The following TRIM71 variants were observed in gnomAD, a reference collection of about 807,000 sequenced individuals.
The protein encoded by TRIM71 is E3 ubiquitin-protein ligase TRIM71.
In TRIM71, 9 loss-of-function variants were observed where a neutral mutation model predicts 61.2. The observed-to-expected ratio is 0.15, with a 90% confidence interval of 0.09 to 0.26. The LOEUF (loss-of-function observed/expected upper bound fraction) is 0.26. Among genes scored for constraint, TRIM71 ranks in the 10% least tolerant of loss-of-function variants. TRIM71 has a pLI of 1.00. For synonymous variants in TRIM71, 645 were observed against 553.2 expected (o/e 1.17, Z -2.33); for missense variants, 998 against 1,238.7 (o/e 0.81, Z 2.92).
In TRIM71 at chr3:32,890,556, T is replaced by A; in HGVS notation, c.1352T>A (p.Leu451Gln). The stretch of plus-strand genomic sequence containing the variant: ...GAGCTGAAGACCGTGCGGAGCCTCC[T>A]GCAGCCCCAGGAAGACGACCGAGTC... ...VQELKTVRSL[L>Q]QPQEDDRVMF... is the part of the protein sequence containing the mutation. The change falls in exon 4 of 4, where the codon CTG becomes CAG. Residue 451 changes from leucine (L) to glutamine (Q), a missense_variant. Physicochemically the swap from Leu to Gln is moderately radical, Grantham distance 113. Transcript: ENST00000383763. This position sits in a 1 kb window ranked among gnomAD's most constrained non-coding sequence, Gnocchi z 6.2. 1 of 1,614,022 alleles carries A rather than the reference T, an allele frequency of 6.2e-7. No homozygotes were observed. The highest frequency in any genetic ancestry group is 1.3e-5 in the African/African-American group (1 of 75,052).
At chr3:32,874,766 C>A (rs1289109612) in intron 2 of TRIM71, among the ~76,000 whole-genome samples, 1 of 151,952 alleles carries the variant, frequency 6.6e-6, no homozygotes, top group African/African-American at 2.4e-5. Context: ...TCAGGTGATA[C>A]ACCTGCCTCA....
chr3:32,818,325 C>T lies in TRIM71; in HGVS notation c.245C>T (p.Ala82Val), dbSNP rs1696081856. 8 of 1,440,264 alleles carry T rather than the reference C, an allele frequency of 5.6e-6. No individual in the cohort carries two copies. Among genetic ancestry groups the T allele is most frequent in the Non-Finnish European group, 6.4e-6 (7 of 1,101,998 alleles). 89.2% of individuals were successfully genotyped at this position (1,440,264 alleles called of 1,614,324 possible). The change falls in exon 1 of 4, where the codon GCG (alanine) becomes GTG (valine). Residue 82 changes from alanine to valine, a missense_variant. Transcript: ENST00000383763. Reference sequence around the variant, plus strand: ...CGGCTGCCGGCGGCGGGCGGCGGCGCGGCGGGAGAGCCGCTCAAGCTGCGC... The same window carrying T: ...CGGCTGCCGGCGGCGGGCGGCGGCGTGGCGGGAGAGCCGCTCAAGCTGCGC... ...AHRLPAAGGG[A>V]AGEPLKLRCP...
chr3:32,881,937 T>C (rs1008600608), intron 2 of TRIM71, among the ~76,000 whole-genome samples: 2 of 152,224 alleles, frequency 1.3e-5, no homozygotes, highest in Non-Finnish European at 1.5e-5. Flanking sequence ...CTTTGCATGC[T>C]TGCTGATTAT....
At chr3:32,834,227 G>C (rs1015330382) in intron 1 of TRIM71, among the ~76,000 whole-genome samples, 1 of 152,142 alleles carries the variant, frequency 6.6e-6, no homozygotes, top group Non-Finnish European at 1.5e-5. Context: ...TGTTTGTTAC[G>C]GTTATAAATG....
chr3:32,877,594 T>A (rs1409103821), intron 2 of TRIM71, among the ~76,000 whole-genome samples: 1 of 152,086 alleles, frequency 6.6e-6, no homozygotes, highest in Non-Finnish European at 1.5e-5. Flanking sequence ...CCTGGCTTCA[T>A]GCGATCTTTC....
At chr3:32,852,157 TG>T (rs879629935) in intron 1 of TRIM71, among the ~76,000 whole-genome samples, 2 of 152,194 alleles carry the variant, frequency 1.3e-5, no homozygotes, top group South Asian at 4.2e-4. Flanking sequence ...ACAGATTCCC[TG>T]GGGGGTAGCC....
rs1697073455 is a variant in TRIM71, at chr3:32,895,985, C to T, written c.*4174C>T. The T allele has an allele frequency of 6.6e-6, 1 of 152,148 alleles. No homozygotes were observed. Among genetic ancestry groups the T allele is most frequent in the Admixed American group, 6.5e-5 (1 of 15,272 alleles). 9.4% of individuals were successfully genotyped at this position (152,148 alleles called of 1,614,324 possible). ...CTCCCAGGAGAAATGTTCTACTTAC[C>T]TTGAAAGAGAAATGTCAGGCAAATG... is the stretch of plus-strand genomic sequence containing the variant. On this transcript the variant is annotated 3_prime_UTR_variant, in exon 4 of 4. Coordinates refer to ENST00000383763, the MANE Select transcript of TRIM71 (RefSeq NM_001039111.3).
In TRIM71 at chr3:32,891,601, G is replaced by C. The variant is rs759150601; in HGVS notation, c.2397G>C (p.Gly799=). ...TGNGQFLRPQ[G]VAVDQEGRII... ...ATGGGCAGTTCCTGCGCCCACAAGG[G>C]GTAGCTGTGGACCAGGAAGGGCGCA... The change falls in exon 4 of 4, where the codon GGG becomes GGC. Residue 799 remains glycine, a synonymous_variant. Transcript: ENST00000383763. The surrounding 1 kb of genome is among the most constrained non-coding windows in gnomAD (Gnocchi z 8.2). 6.2e-7 allele frequency: 1 copy of C among 1,613,696 alleles called. No individual in the cohort carries two copies. Among genetic ancestry groups the C allele is most frequent in the Non-Finnish European group, 8.5e-7 (1 of 1,179,756 alleles).
intron 1 of TRIM71, among the ~76,000 whole-genome samples, chr3:32,859,866 G>A (rs1696645335): frequency 6.6e-6 from 1 of 152,074 alleles, no homozygotes; most frequent in Non-Finnish European, 1.5e-5. Flanking sequence ...CATGGTTCCT[G>A]GTTTGGCAGC....
intron 1 of TRIM71, among the ~76,000 whole-genome samples, chr3:32,838,212 T>G (rs1052622394): frequency 5.3e-5 from 8 of 152,138 alleles, no homozygotes; most frequent in Non-Finnish European, 1.0e-4. Flanking sequence ...TTAGGTACTA[T>G]ATGCTTATTA....
At position 32,890,670 on chromosome 3, in the gene TRIM71, C is replaced by T. The variant is rs1355577793; in HGVS notation, c.1466C>T (p.Ala489Val). The change falls in exon 4 of 4, where the codon GCC (alanine) becomes GTC (valine). Residue 489 changes from alanine (A) to valine (V), a missense_variant. Around this residue, in one of 5 missense-constraint regions of TRIM71, gnomAD observed 291 missense variants for 431.2 expected, o/e 0.67. Transcript: ENST00000383763. This position sits in a 1 kb window ranked among gnomAD's most constrained non-coding sequence, Gnocchi z 6.2. ...SSGAFAPLTK[A>V]TGDGLKRALQ... Reference sequence around the variant, plus strand: ...GGGGCCTTTGCCCCACTCACCAAGGCCACAGGCGATGGCCTCAAGCGTGCC... The same window carrying T: ...GGGGCCTTTGCCCCACTCACCAAGGTCACAGGCGATGGCCTCAAGCGTGCC... 1.9e-6 allele frequency: 3 copies of T among 1,613,864 alleles called. No individual in the cohort carries two copies. The African/African-American group carries it at 4.0e-5, about 22-fold the overall frequency.
In TRIM71 at chr3:32,854,959, A is replaced by G. The variant is rs534490228; in HGVS notation, c.853-18859A>G. 3.9e-5 allele frequency among the ~76,000 whole-genome samples: 6 copies of G among 152,282 alleles called. No homozygotes were observed. The East Asian group carries it at 1.2e-3, about 29-fold the overall frequency. On this transcript the variant is annotated intron_variant, in intron 1 of 3. Coordinates refer to ENST00000383763, the MANE Select transcript of TRIM71 (RefSeq NM_001039111.3). ...AAAAGAGGTGAGTGCAGCACACAGT[A>G]TTTTGGGAGAGAGAGATACCACATT... is the stretch of plus-strand genomic sequence containing the variant.
intron 2 of TRIM71, among the ~76,000 whole-genome samples, chr3:32,883,635 C>A (rs1696931731): frequency 6.6e-6 from 1 of 152,212 alleles, no homozygotes; most frequent in African/African-American, 2.4e-5. Flanking sequence ...CCTATTTCCA[C>A]ACAAGGTCAC....
chr3:32,849,518 C>A (rs10865847), intron 1 of TRIM71, among the ~76,000 whole-genome samples: 30,864 of 152,112 alleles, frequency 0.2, 4,162 homozygotes, highest in East Asian at 0.62. Context: ...ACCACCACGT[C>A]CAGCTAATTT....
In TRIM71 at chr3:32,896,179, A is replaced by G. The variant is rs1255713596; in HGVS notation, c.*4368A>G. ...GTCTCTTTCTCTTCAAGAGAAAAAT[A>G]TTTTATCTGTATTTCGAATGTCTGC... On this transcript the variant is annotated 3_prime_UTR_variant, in exon 4 of 4. Transcript: ENST00000383763. 6.6e-6 allele frequency: 1 copy of G among 152,162 alleles called. No homozygotes were observed. The highest frequency in any genetic ancestry group is 2.4e-5 in the African/African-American group (1 of 41,446). The allele number at this position is 152,162 out of a possible 1,614,324, so 9.4% of individuals were successfully genotyped here.
chr3:32,862,867 C>G (rs1320000169), intron 1 of TRIM71, among the ~76,000 whole-genome samples: 1 of 152,156 alleles, frequency 6.6e-6, no homozygotes, highest in Middle Eastern at 3.4e-3. Flanking sequence ...TGCTGTAAAT[C>G]GGGACTCAGG....
At chr3:32,845,776 A>G (rs895001356) in intron 1 of TRIM71, among the ~76,000 whole-genome samples, 1 of 151,190 alleles carries the variant, frequency 6.6e-6, no homozygotes. Context: ...CAATGGAGTG[A>G]TCTCAGCTCA....
intron 1 of TRIM71, among the ~76,000 whole-genome samples, chr3:32,848,287 ACCCCAGGGTAGTGTGCAT>A (rs1696497669): frequency 6.6e-6 from 1 of 152,162 alleles, no homozygotes; most frequent in Non-Finnish European, 1.5e-5. Context: ...ACAGTTGTGC[ACCCCAGGGTAGTGTGCAT>A]TTCTTTCTGC....
Position 32,874,237 on chromosome 3 carries a change from G to A in TRIM71, c.1020+252G>A, listed in dbSNP as rs909688389. Reference sequence around the variant, plus strand: ...CTGGGCCCCAACATACCACCTGCACGTGTCCCACCCAGCCACCTCCCGAAA... The same window carrying A: ...CTGGGCCCCAACATACCACCTGCACATGTCCCACCCAGCCACCTCCCGAAA... On this transcript the variant is annotated intron_variant, in intron 2 of 3. Transcript: ENST00000383763. Among the ~76,000 whole-genome samples, 7 of 152,076 alleles carry A rather than the reference G, an allele frequency of 4.6e-5. No homozygotes were observed. The South Asian group carries it at 8.3e-4, about 18-fold the overall frequency.
Sources: allele counts gnomAD v4.1 joint callset (sites outside exome capture counted in the v4.1 genomes callset), GRCh38; gene constraint gnomAD v4.1.1; regional missense constraint gnomAD v4.1.1; non-coding constraint Gnocchi (gnomAD v3.1); transcripts MANE v1.5; gene names NCBI Gene and HGNC (gene_info 2026-07-23, HGNC 2026-07-21).